The following PDE11A variants were observed in gnomAD, a reference collection of about 807,000 sequenced individuals.
PDE11A encodes the protein dual 3',5'-cyclic-AMP and -GMP phosphodiesterase 11A.
Under a neutral mutation model 100.5 loss-of-function variants are expected in PDE11A, and 100 were observed. The observed-to-expected ratio is 1.00, with a 90% confidence interval of 0.85 to 1.18. The LOEUF (loss-of-function observed/expected upper bound fraction) is 1.18. PDE11A is among the 50% of genes most tolerant of loss of function. PDE11A has a pLI of 0.00. For missense variants in PDE11A, 1,141 were observed against 1,152.6 expected, an observed-to-expected ratio of 0.99 and a Z score of 0.15; for synonymous variants, 381 against 420.8, an observed-to-expected ratio of 0.91 and a Z score of 1.16.
At chr2:177,717,229 G>T (rs893673138) in intron 12 of PDE11A, among the ~76,000 whole-genome samples, 1 of 152,100 alleles carries the variant, frequency 6.6e-6, no homozygotes, top group Non-Finnish European at 1.5e-5. Flanking sequence ...ATTTAAAGCT[G>T]CCTGGTAAAT....
chr2:178,057,005 C>T (rs925662310), intron 1 of PDE11A, among the ~76,000 whole-genome samples: 2 of 151,714 alleles, frequency 1.3e-5, no homozygotes, highest in African/African-American at 4.8e-5. Context: ...GAGGACAAGA[C>T]AAATAAATGG....
chr2:177,806,558 T>C (rs1051231116), intron 9 of PDE11A, among the ~76,000 whole-genome samples: 14 of 152,144 alleles, frequency 9.2e-5, no homozygotes, highest in Admixed American at 9.2e-4. Flanking sequence ...TTCAAACAAA[T>C]CTAGTAAAAA....
intron 5 of PDE11A, among the ~76,000 whole-genome samples, chr2:177,859,389 T>C (rs1218505639): frequency 6.6e-6 from 1 of 151,628 alleles, no homozygotes; most frequent in Non-Finnish European, 1.5e-5. Flanking sequence ...ATCTATACAA[T>C]AAAATATTAT....
At chr2:178,072,972 T>G (rs1024744204), upstream of PDE11A, 34 of 985,240 alleles carry the variant, frequency 3.5e-5, no homozygotes, top group African/African-American at 5.2e-4. Context: ...GACTCCTGAT[T>G]GGAACACGAT....
At chr2:177,960,735 C>T (rs1479069346) in intron 2 of PDE11A, among the ~76,000 whole-genome samples, 4 of 152,142 alleles carry the variant, frequency 2.6e-5, no homozygotes, top group African/African-American at 9.7e-5. Flanking sequence ...ACATGTACAA[C>T]ATAGCTATTT....
chr2:178,107,065 G>A (rs2087627943), intron 1 of PDE11A, among the ~76,000 whole-genome samples: 1 of 151,220 alleles, frequency 6.6e-6, no homozygotes, highest in Admixed American at 6.6e-5. Flanking sequence ...ACAAAAAACT[G>A]TCCTTACTCA....
At chr2:177,944,369 A>G (rs906681488) in intron 2 of PDE11A, among the ~76,000 whole-genome samples, 1 of 152,238 alleles carries the variant, frequency 6.6e-6, no homozygotes, top group Admixed American at 6.5e-5. Flanking sequence ...AGTTCTGTCA[A>G]TGTGTAACTG....
intron 12 of PDE11A, among the ~76,000 whole-genome samples, chr2:177,718,350 C>T (rs2081474322): frequency 6.6e-6 from 1 of 152,224 alleles, no homozygotes; most frequent in Non-Finnish European, 1.5e-5. Flanking sequence ...TACTGTGCTA[C>T]ACAGCCCCTA....
intron 2 of PDE11A, among the ~76,000 whole-genome samples, chr2:177,906,127 T>G (rs1480951050): frequency 2.6e-5 from 4 of 152,226 alleles, no homozygotes; most frequent in Middle Eastern, 3.4e-3. Flanking sequence ...GAAAAAAGCA[T>G]GTTTATATCA....
intron 19 of PDE11A, among the ~76,000 whole-genome samples, chr2:177,642,499 G>A (rs146391095): frequency 1.4e-4 from 22 of 152,344 alleles, no homozygotes; most frequent in African/African-American, 5.1e-4. Context: ...TTCCTGCCCT[G>A]TTTAAGGACA....
chr2:177,707,660 T>G (rs1427233674), intron 13 of PDE11A, among the ~76,000 whole-genome samples: 1 of 152,180 alleles, frequency 6.6e-6, no homozygotes, highest in Non-Finnish European at 1.5e-5. Flanking sequence ...AGCCTGCAGC[T>G]TGGATCCCTG....
chr2:177,880,253 C>T (rs2084308599), intron 4 of PDE11A, among the ~76,000 whole-genome samples: 1 of 152,182 alleles, frequency 6.6e-6, no homozygotes, highest in Non-Finnish European at 1.5e-5. Flanking sequence ...GGCTTCAAGC[C>T]ACACCAACAA....
At chr2:178,007,770 T>C (rs1031416731) in intron 2 of PDE11A, among the ~76,000 whole-genome samples, 8 of 152,144 alleles carry the variant, frequency 5.3e-5, no homozygotes, top group African/African-American at 1.4e-4. Flanking sequence ...AATGGCAAGA[T>C]CTTGGCTCAC....
intron 19 of PDE11A, among the ~76,000 whole-genome samples, chr2:177,638,816 G>C (rs1170179573): frequency 6.6e-6 from 1 of 152,148 alleles, no homozygotes. Context: ...CTTTTCTTGG[G>C]TACTCTAGCT....
At chr2:178,049,988 T>G (rs1403657562) in intron 1 of PDE11A, among the ~76,000 whole-genome samples, 2 of 152,132 alleles carry the variant, frequency 1.3e-5, no homozygotes, top group African/African-American at 4.8e-5. Context: ...GTCTGACAGC[T>G]TTGAAGAGAG....
intron 2 of PDE11A, among the ~76,000 whole-genome samples, chr2:178,083,044 G>T (rs569182052): frequency 1.3e-5 from 2 of 151,970 alleles, no homozygotes; most frequent in African/African-American, 2.4e-5. Flanking sequence ...CTTTCTGCTA[G>T]TTAGGGCTAA....
chr2:177,835,438 C>G (rs959674006), intron 6 of PDE11A, among the ~76,000 whole-genome samples: 1 of 152,210 alleles, frequency 6.6e-6, no homozygotes, highest in African/African-American at 2.4e-5. Context: ...GATGCATCCT[C>G]CAAACTGGGA....
chr2:177,745,048 C>T (rs1328635022), intron 10 of PDE11A, among the ~76,000 whole-genome samples: 2 of 152,184 alleles, frequency 1.3e-5, no homozygotes, highest in Non-Finnish European at 2.9e-5. Flanking sequence ...GCTATCATAA[C>T]AATTTTCTCT....
chr2:177,794,917 C>T (rs2082684406), intron 9 of PDE11A, among the ~76,000 whole-genome samples: 1 of 152,100 alleles, frequency 6.6e-6, no homozygotes, highest in Non-Finnish European at 1.5e-5. Context: ...TCCCAAGTAG[C>T]TGGGATTACA....
Sources: gnomAD v4.1 joint callset for allele counts (sites outside exome capture counted in the v4.1 genomes callset) on GRCh38, gnomAD v4.1.1 for gene constraint, MANE v1.5 for transcripts, NCBI Gene and HGNC (gene_info 2026-07-23, HGNC 2026-07-21) for gene names.